Variants in CMSS1 observed in about 807,000 individuals in gnomAD.
CMSS1 encodes cms1 ribosomal small subunit homolog.
Under a neutral mutation model 43.5 loss-of-function variants are expected in CMSS1, and 33 were observed. The observed-to-expected ratio is 0.76, with a 90% CI of 0.57 to 1.01. The LOEUF is 1.01. CMSS1 is among the 50% of genes least tolerant of loss of function. The probability of loss-of-function intolerance (pLI) is 0.00; values close to 1 mark genes in which losing one functional copy is unlikely to be tolerated. For missense variants in CMSS1, 313 were observed against 326.4 expected, an observed-to-expected ratio of 0.96 and a Z score of 0.32; for synonymous variants, 115 against 117.2, an observed-to-expected ratio of 0.98 and a Z score of 0.12.
At chr3:100,058,537 A>T (rs1166340628) in intron 1 of CMSS1, among the ~76,000 whole-genome samples, 1 of 152,148 alleles carries the variant, frequency 6.6e-6, no homozygotes, top group Admixed American at 6.5e-5. Context: ...CCCAATCTAA[A>T]GCTTTGCTCA....
intron 8 of CMSS1, 119 bp downstream of exon 8, chr3:100,172,522 A>G (rs2067119631): frequency 2.8e-6 from 2 of 721,794 alleles, no homozygotes; most frequent in South Asian, 1.9e-5. Context: ...TAATTCAGGA[A>G]TTGGAAACTC....
At chr3:100,098,647 A>G (rs139530669) in intron 1 of CMSS1, among the ~76,000 whole-genome samples, 155 of 152,300 alleles carry the variant, frequency 1.0e-3, no homozygotes, top group African/African-American at 3.5e-3. Flanking sequence ...ACTGGAGTAT[A>G]AGTACCTACA....
chr3:100,000,074 G>A (rs979181190), intron 1 of CMSS1, among the ~76,000 whole-genome samples: 3 of 152,086 alleles, frequency 2.0e-5, no homozygotes, highest in African/African-American at 7.2e-5. Flanking sequence ...TTTTGAAAGC[G>A]CCCAAGTTGA....
intron 1 of CMSS1, among the ~76,000 whole-genome samples, chr3:100,145,546 A>G (rs1313993426): frequency 6.6e-6 from 1 of 152,196 alleles, no homozygotes; most frequent in African/African-American, 2.4e-5. Flanking sequence ...ATTGGCTCAC[A>G]TGATTATGGA....
At chr3:100,105,329 A>C (rs1351405551) in intron 1 of CMSS1, among the ~76,000 whole-genome samples, 1 of 152,208 alleles carries the variant, frequency 6.6e-6, no homozygotes, top group Non-Finnish European at 1.5e-5. Context: ...AGACATGAGC[A>C]ATAGGAATTT....
chr3:99,882,563 T>G (rs1436627630), intron 1 of CMSS1, among the ~76,000 whole-genome samples: 8 of 152,224 alleles, frequency 5.3e-5, no homozygotes, highest in Non-Finnish European at 1.2e-4. Flanking sequence ...ACATCTGATC[T>G]TCTTATTGCC....
At chr3:100,088,593 C>G (rs943138135) in intron 1 of CMSS1, among the ~76,000 whole-genome samples, 2 of 152,224 alleles carry the variant, frequency 1.3e-5, no homozygotes, top group Non-Finnish European at 2.9e-5. Flanking sequence ...TCAAAGCACA[C>G]CAGTTTCCTC....
chr3:99,988,262 C>G (rs986481849), intron 1 of CMSS1, among the ~76,000 whole-genome samples: 1 of 150,308 alleles, frequency 6.7e-6, no homozygotes, highest in Non-Finnish European at 1.5e-5. Flanking sequence ...CTTTGGGAGG[C>G]CTAGGCAGGC....
chr3:100,070,743 T>C (rs1368299265), intron 1 of CMSS1, among the ~76,000 whole-genome samples: 1 of 152,120 alleles, frequency 6.6e-6, no homozygotes, highest in Non-Finnish European at 1.5e-5. Flanking sequence ...GCAGTTCTCC[T>C]GCCTCAGCCT....
chr3:99,990,975 T>C (rs1286667435), intron 1 of CMSS1, among the ~76,000 whole-genome samples: 1 of 152,134 alleles, frequency 6.6e-6, no homozygotes, highest in Non-Finnish European at 1.5e-5. Context: ...CTCTGCCTTT[T>C]GGGAATTAAA....
At chr3:99,850,884 G>A in intron 1 of CMSS1, 1 of 1,614,108 alleles carries the variant, frequency 6.2e-7, no homozygotes, top group Non-Finnish European at 8.5e-7. Flanking sequence ...TTGCATTTGT[G>A]GTCAGCTCTT....
chr3:100,087,833 T>C (rs1277627764), intron 1 of CMSS1, among the ~76,000 whole-genome samples: 2 of 73,190 alleles, frequency 2.7e-5, no homozygotes, highest in Admixed American at 2.9e-4. Flanking sequence ...TTGTTTCAAC[T>C]TTTTTTTTTT....
At chr3:99,851,911 A>G (rs924393988) in intron 1 of CMSS1, among the ~76,000 whole-genome samples, 15 of 152,216 alleles carry the variant, frequency 9.9e-5, no homozygotes, top group African/African-American at 3.6e-4. Flanking sequence ...TGTTTTCATA[A>G]CATTTGAGAA....
intron 1 of CMSS1, among the ~76,000 whole-genome samples, chr3:100,115,434 A>G (rs956750634): frequency 6.6e-6 from 1 of 152,212 alleles, no homozygotes; most frequent in Non-Finnish European, 1.5e-5. Flanking sequence ...AATTTTTAAC[A>G]TCAAAATAAT....
chr3:99,979,468 A>G (rs1709058445), intron 1 of CMSS1, among the ~76,000 whole-genome samples: 1 of 152,220 alleles, frequency 6.6e-6, no homozygotes, highest in Admixed American at 6.5e-5. Context: ...AATTTTGAAG[A>G]TGATGAACCA....
At chr3:99,946,689 G>A (rs144128967) in intron 1 of CMSS1, among the ~76,000 whole-genome samples, 1,760 of 152,260 alleles carry the variant, frequency 0.012, 19 homozygotes, top group African/African-American at 0.026. Context: ...GGTATTTGAG[G>A]GATGATTGTA....
At chr3:99,940,320 T>A (rs2107675487) in intron 1 of CMSS1, among the ~76,000 whole-genome samples, 1 of 152,306 alleles carries the variant, frequency 6.6e-6, no homozygotes, top group East Asian at 1.9e-4. Flanking sequence ...CTCTTGAAAA[T>A]CATATGATTC....
rs768881394 is a variant in CMSS1, at chr3:100,160,501, G to C, written c.225G>C (p.Lys75Asn). Reference protein sequence around the residue: ...ENTTKTRKRRKKKITDVLAKS... With the variant: ...ENTTKTRKRRNKKITDVLAKS... ...CCACCAAGACCAGGAAAAGAAGAAA[G>C]GTAATATTAATAATTTCTTAAATTT... is the stretch of plus-strand genomic sequence containing the variant. Residue 75 changes from lysine to asparagine, a missense_variant and splice_region_variant, in exon 3 of 10, where the codon AAG becomes AAC. Physicochemically the swap from Lys to Asn is moderately conservative, Grantham distance 94. Coordinates refer to ENST00000421999, the MANE Select transcript of CMSS1 (RefSeq NM_032359.4). 7.0e-7 allele frequency: 1 copy of C among 1,422,308 alleles called. No individual in the cohort carries two copies. The highest frequency in any genetic ancestry group is 9.8e-7 in the Non-Finnish European group (1 of 1,015,606). 88.1% of individuals were successfully genotyped at this position (1,422,308 alleles called of 1,614,324 possible). A position where few individuals can be genotyped will look rare whatever the true frequency, so the allele number is the denominator to read the frequency against.
intron 1 of CMSS1, among the ~76,000 whole-genome samples, chr3:100,018,083 CT>C (rs1710397125): frequency 6.6e-6 from 1 of 152,172 alleles, no homozygotes. Flanking sequence ...AATCTCAGCA[CT>C]TTGGGAGGCC....
Sources: allele counts gnomAD v4.1 joint callset (sites outside exome capture counted in the v4.1 genomes callset), GRCh38; gene constraint gnomAD v4.1.1; transcripts MANE v1.5; gene names NCBI Gene and HGNC (gene_info 2026-07-23, HGNC 2026-07-21).